The following SIRPD variants were observed in gnomAD, a reference collection of about 807,000 sequenced individuals.
The protein encoded by SIRPD is signal regulatory protein delta, also known as signal-regulatory protein delta.
SIRPD carries 21 observed loss-of-function variants against 18.0 expected under a neutral mutation model. The observed-to-expected ratio is 1.17, with a 90% CI of 0.83 to 1.68. The LOEUF (loss-of-function observed/expected upper bound fraction) is 1.68. SIRPD is among the 40% of genes most tolerant of loss of function. The pLI, the probability that SIRPD is intolerant of heterozygous loss-of-function variation, is 0.00. For synonymous variants in SIRPD, 106 were observed against 92.9 expected (o/e 1.14, Z -0.81); for missense variants, 295 against 238.4 (o/e 1.24, Z -1.56).
At position 1,551,970 on chromosome 20, in the gene SIRPD, T is replaced by C. The variant is rs2091021461; in HGVS notation, c.142A>G (p.Ile48Val). 4 of 1,614,114 alleles carry C rather than the reference T, an allele frequency of 2.5e-6. No individual in the cohort carries two copies. Among genetic ancestry groups the C allele is most frequent in the Non-Finnish European group, 3.4e-6 (4 of 1,179,982 alleles). The change falls in exon 2 of 4, where the codon ATC (isoleucine) becomes GTC (valine). Residue 48 changes from isoleucine to valine, a missense_variant. By Grantham distance (29) the Ile-to-Val change is conservative. Transcript: ENST00000381623. ...SQTVSTGESIILSCSVPNTLP... is the reference protein window; with the variant it reads ...SQTVSTGESIVLSCSVPNTLP... ...GTATTGGGTACGCTGCAACTCAAGATGATTGACTCCCCAGTTGATACAGTC... is the reference window on the plus strand; with the variant it reads ...GTATTGGGTACGCTGCAACTCAAGACGATTGACTCCCCAGTTGATACAGTC...
At chr20:1,550,864 G>A (rs1224817589) in intron 2 of SIRPD, among the ~76,000 whole-genome samples, 1 of 152,166 alleles carries the variant, frequency 6.6e-6, no homozygotes, top group African/African-American at 2.4e-5. Context: ...GAATATAGTA[G>A]ATGCCCAATA....
rs2090948488 is a variant in SIRPD, at chr20:1,537,016, T to C, written c.577+139A>G. ...AAACAAACTATTTAGGGAAGTGTCT[T>C]AAAGAGGAAGGGGTGGCAAAGAAAG... On this transcript the variant is annotated intron_variant, in intron 3 of 3. Coordinates refer to ENST00000381623, the MANE Select transcript of SIRPD (RefSeq NM_178460.3). 3 of 924,530 alleles carry C rather than the reference T, an allele frequency of 3.2e-6. No homozygotes were observed. The South Asian group carries it at 5.0e-5, about 16-fold the overall frequency. 57.3% of individuals were successfully genotyped at this position (924,530 alleles called of 1,614,324 possible).
At chr20:1,551,621 TGAATAGAAGACATAACTGC>T in intron 2 of SIRPD, 51 bp downstream of exon 2, 1 of 1,201,848 alleles carries the variant, frequency 8.3e-7, no homozygotes, top group Non-Finnish European at 1.2e-6. Context: ...AATTATTGAA[TGAATAGAAGACATAACTGC>T]TGAGATGATA....
chr20:1,547,069 C>T (rs2090996719), intron 2 of SIRPD, among the ~76,000 whole-genome samples: 1 of 152,124 alleles, frequency 6.6e-6, no homozygotes, highest in Non-Finnish European at 1.5e-5. Context: ...GCTTTTGATA[C>T]TATGCTTAAG....
intron 1 of SIRPD, among the ~76,000 whole-genome samples, chr20:1,556,226 T>G (rs1223195111): frequency 6.6e-6 from 1 of 152,212 alleles, no homozygotes; most frequent in African/African-American, 2.4e-5. Flanking sequence ...GTGGGATAGT[T>G]GGGAGTCACC....
chr20:1,534,465 A>T, intron 3 of SIRPD, 24 bp from the exon 4 acceptor site: 5 of 1,596,090 alleles, frequency 3.1e-6, no homozygotes, highest in Non-Finnish European at 4.3e-6. Flanking sequence ...AAAATAAAAT[A>T]AAATAAAACA....
At chr20:1,547,695 C>G (rs1423656208) in intron 2 of SIRPD, among the ~76,000 whole-genome samples, 1 of 152,128 alleles carries the variant, frequency 6.6e-6, no homozygotes, top group African/African-American at 2.4e-5. Context: ...GGTTGGGATT[C>G]TGATAAGGAT....
rs2091021585 is a variant in SIRPD at position 1,551,989 on chromosome 20, T to C, written c.123A>G (p.Val41=). 3 of 1,614,094 alleles carry C rather than the reference T, an allele frequency of 1.9e-6. No individual in the cohort carries two copies. The highest frequency in any genetic ancestry group is 1.7e-4 in the Middle Eastern group (1 of 6,060). ...HVQQTEMSQT[V]STGESIILSC... is the part of the protein sequence containing the mutation. ...TCAAGATGATTGACTCCCCAGTTGA[T>C]ACAGTCTGTGACATCTCCGTTTGTT... The change falls in exon 2 of 4, where the codon GTA becomes GTG. Residue 41 remains valine (V), a synonymous_variant. Transcript: ENST00000381623.
intron 2 of SIRPD, among the ~76,000 whole-genome samples, chr20:1,545,357 A>G (rs2090989202): frequency 6.6e-6 from 1 of 151,882 alleles, no homozygotes; most frequent in Admixed American, 6.6e-5. Context: ...ACTTTATTTC[A>G]TTAAGTTGAT....
chr20:1,544,207 G>A (rs968653259), intron 2 of SIRPD, among the ~76,000 whole-genome samples: 1 of 152,042 alleles, frequency 6.6e-6, no homozygotes, highest in Non-Finnish European at 1.5e-5. Context: ...ATTGACAGTG[G>A]GATATTAAAG....
At chr20:1,538,701 C>G (rs1331938229) in intron 2 of SIRPD, among the ~76,000 whole-genome samples, 1 of 152,186 alleles carries the variant, frequency 6.6e-6, no homozygotes, top group Non-Finnish European at 1.5e-5. Context: ...GATCACATTG[C>G]AGGGACACAT....
intron 2 of SIRPD, among the ~76,000 whole-genome samples, chr20:1,544,211 A>G (rs1201716746): frequency 6.6e-6 from 1 of 152,168 alleles, no homozygotes; most frequent in East Asian, 1.9e-4. Context: ...ACAGTGGGAT[A>G]TTAAAGTCTC....
chr20:1,535,809 A>G lies in SIRPD; in HGVS notation c.577+1346T>C, dbSNP rs375714647. 2.1e-3 allele frequency among the ~76,000 whole-genome samples: 322 copies of G among 152,354 alleles called. 11 individuals are homozygous for G. The South Asian group carries it at 0.062, about 29-fold the overall frequency. ...GTTTTCTTATCTATGTAATGTATAC[A>G]ATGTGGAAAGTAAAACTTCCTCTTG... is the stretch of plus-strand genomic sequence containing the variant. On this transcript the variant is annotated intron_variant, in intron 3 of 3. Coordinates refer to ENST00000381623, the MANE Select transcript of SIRPD (RefSeq NM_178460.3).
intron 3 of SIRPD, 23 bp downstream of exon 3, chr20:1,537,132 T>C (rs771117725): frequency 1.2e-5 from 19 of 1,610,676 alleles, no homozygotes; most frequent in Non-Finnish European, 1.5e-5. Context: ...TGCATCATGG[T>C]ACCTGAGGGT....
intron 2 of SIRPD, among the ~76,000 whole-genome samples, chr20:1,542,566 C>A (rs1293297411): frequency 2.0e-5 from 3 of 152,200 alleles, no homozygotes; most frequent in Non-Finnish European, 2.9e-5. Flanking sequence ...TCTAAATATA[C>A]AATCATGTCA....
chr20:1,548,175 C>T (rs1002098695), intron 2 of SIRPD, among the ~76,000 whole-genome samples: 51 of 152,082 alleles, frequency 3.4e-4, no homozygotes, highest in Admixed American at 3.3e-3. Context: ...AGCATCTAAC[C>T]ATCCTCATTA....
intron 2 of SIRPD, among the ~76,000 whole-genome samples, chr20:1,547,817 A>G (rs2091000152): frequency 6.6e-6 from 1 of 152,208 alleles, no homozygotes; most frequent in Non-Finnish European, 1.5e-5. Flanking sequence ...TCTTTCATTT[A>G]ACATTTTTTT....
chr20:1,546,398 C>T (rs1050343512), intron 2 of SIRPD, among the ~76,000 whole-genome samples: 1 of 152,182 alleles, frequency 6.6e-6, no homozygotes, highest in Non-Finnish European at 1.5e-5. Flanking sequence ...AAGGTTTATC[C>T]ATGTTGCTGC....
At chr20:1,536,177 G>C (rs1405307634) in intron 3 of SIRPD, among the ~76,000 whole-genome samples, 1 of 152,184 alleles carries the variant, frequency 6.6e-6, no homozygotes, top group Non-Finnish European at 1.5e-5. Flanking sequence ...CTAAAAGGCT[G>C]TAACAACCAG....
Sources: gnomAD v4.1 joint callset for allele counts (sites outside exome capture counted in the v4.1 genomes callset) on GRCh38, gnomAD v4.1.1 for gene constraint, MANE v1.5 for transcripts, NCBI Gene and HGNC (gene_info 2026-07-23, HGNC 2026-07-21) for gene names.